PCDH7: variants seen among roughly 807,000 people sequenced by gnomAD.
The protein encoded by PCDH7 is protocadherin 7.
PCDH7 carries 17 observed loss-of-function variants against 58.9 expected under a neutral mutation model. That is an observed-to-expected ratio of 0.29 (90% CI 0.20 to 0.43). The LOEUF is 0.43. Among genes scored for constraint, PCDH7 ranks in the 20% least tolerant of loss-of-function variants. The pLI is 1.00. For synonymous variants in PCDH7, 664 were observed against 616.4 expected, an observed-to-expected ratio of 1.08 and a Z score of -1.14; for missense variants, 1,274 against 1,441.0, an observed-to-expected ratio of 0.88 and a Z score of 1.88.
intron 3 of PCDH7, chr4:30,987,785 A>G (rs565582000): frequency 3.9e-5 from 6 of 152,192 alleles, no homozygotes; most frequent in Non-Finnish European, 7.3e-5. Context: ...ATTTTTAAAT[A>G]TTAGTTGGAA....
intron 1 of PCDH7, among the ~76,000 whole-genome samples, chr4:30,781,741 G>A (rs1013924213): frequency 1.2e-4 from 18 of 151,554 alleles, no homozygotes; most frequent in African/African-American, 4.1e-4. Flanking sequence ...TCTCCATGTT[G>A]GGCAGACTTG....
rs551673888 is a variant in PCDH7 at position 30,792,273 on chromosome 4, G to A, written c.70+67677G>A. On this transcript the variant is annotated intron_variant, in intron 1 of 3. Transcript: ENST00000509759. ...GAAAGAAATATATTAATTAATAATC[G>A]TGACTGGAAAATGTTGCTCTCAGAA... 4.2e-4 allele frequency among the ~76,000 whole-genome samples: 64 copies of A among 152,190 alleles called. 1 individual carries two copies. In the East Asian group the frequency reaches 0.011, roughly 27 times the overall value.
intron 2 of PCDH7, among the ~76,000 whole-genome samples, chr4:30,928,019 T>C (rs956824036): frequency 1.3e-5 from 2 of 152,218 alleles, no homozygotes; most frequent in African/African-American, 4.8e-5. Flanking sequence ...TCTGTAGCCC[T>C]GGCCAGAGTG....
At chr4:30,946,490 ACT>A (rs1475104999) in intron 2 of PCDH7, among the ~76,000 whole-genome samples, 2 of 150,780 alleles carry the variant, frequency 1.3e-5, no homozygotes, top group Non-Finnish European at 3.0e-5. Context: ...CTCCCACCAC[ACT>A]GCCTTAGGAT....
chr4:30,843,599 AGT>A lies in PCDH7; in HGVS notation c.71-76549_71-76548del, dbSNP rs377510851. On this transcript the variant is annotated intron_variant, in intron 1 of 3. Coordinates refer to the PCDH7 transcript ENST00000509759. ...TTCTGATTTCTGTCTTTACTTTGTC[AGT>A]GTGTTTGCTATTAGACATAAAGCAA... Among the ~76,000 whole-genome samples, 32 of 152,330 alleles carry A rather than the reference AGT, an allele frequency of 2.1e-4. No individual in the cohort carries two copies. In the South Asian group the frequency reaches 6.2e-3, roughly 30 times the overall value.
intron 3 of PCDH7, among the ~76,000 whole-genome samples, chr4:31,115,691 C>T (rs1205439049): frequency 2.0e-5 from 3 of 152,086 alleles, no homozygotes; most frequent in Non-Finnish European, 2.9e-5. Context: ...TTAGAAAATA[C>T]GTATTCTGTG....
At chr4:30,821,658 G>A (rs1286615602) in intron 1 of PCDH7, among the ~76,000 whole-genome samples, 1 of 152,164 alleles carries the variant, frequency 6.6e-6, no homozygotes, top group Non-Finnish European at 1.5e-5. Flanking sequence ...TTAAATAAGA[G>A]ATACCCTTGC....
chr4:30,794,178 A>G (rs1724492893), intron 1 of PCDH7, among the ~76,000 whole-genome samples: 1 of 152,206 alleles, frequency 6.6e-6, no homozygotes, highest in Admixed American at 6.5e-5. Context: ...AACAGCATAA[A>G]AAATGGCCAC....
intron 1 of PCDH7, among the ~76,000 whole-genome samples, chr4:30,890,108 T>A (rs561239230): frequency 5.9e-5 from 9 of 152,154 alleles, no homozygotes; most frequent in Non-Finnish European, 1.3e-4. Context: ...ATGTACAGCA[T>A]TTATTTACAG....
chr4:31,108,262 C>G (rs1183664364), intron 3 of PCDH7, among the ~76,000 whole-genome samples: 1 of 150,594 alleles, frequency 6.6e-6, no homozygotes, highest in Non-Finnish European at 1.5e-5. Flanking sequence ...GTAATAAAGA[C>G]CACTGAAAAA....
chr4:31,082,740 A>AT (rs1158179351), intron 3 of PCDH7, among the ~76,000 whole-genome samples: 1 of 151,180 alleles, frequency 6.6e-6, no homozygotes, highest in Non-Finnish European at 1.5e-5. Context: ...TCACAAAGGC[A>AT]TACAGAGTGA....
intron 1 of PCDH7, chr4:30,786,683 T>C: frequency 1.1e-5 from 9 of 805,038 alleles, no homozygotes; most frequent in Non-Finnish European, 1.4e-5. Flanking sequence ...AAAACCCTAC[T>C]CACATCCCTG....
At chr4:31,002,560 G>C (rs185194128) in intron 3 of PCDH7, among the ~76,000 whole-genome samples, 1 of 152,188 alleles carries the variant, frequency 6.6e-6, no homozygotes, top group East Asian at 1.9e-4. Flanking sequence ...ACTTGAATAG[G>C]AATGGAGATG....
chr4:30,802,919 A>G (rs942124210), intron 1 of PCDH7, among the ~76,000 whole-genome samples: 1 of 152,140 alleles, frequency 6.6e-6, no homozygotes, highest in Non-Finnish European at 1.5e-5. Flanking sequence ...GAGGAGGAGG[A>G]GAGCAAACAG....
At chr4:31,055,457 A>G (rs1757079592) in intron 3 of PCDH7, among the ~76,000 whole-genome samples, 2 of 152,118 alleles carry the variant, frequency 1.3e-5, no homozygotes, top group Admixed American at 6.6e-5. Context: ...TGTGTACCAT[A>G]ATGGTTTTGA....
rs570172224 is a variant in PCDH7, at chr4:30,972,630, CACAA to C, written c.*7+22421_*7+22424del. Among the ~76,000 whole-genome samples, 185 of 152,296 alleles carry C rather than the reference CACAA, an allele frequency of 1.2e-3. 1 individual carries two copies. Among genetic ancestry groups the C allele is most frequent in the Non-Finnish European group, 2.0e-3 (138 of 68,020 alleles). On this transcript the variant is annotated intron_variant, in intron 3 of 3. Transcript: ENST00000509759. The stretch of plus-strand genomic sequence containing the variant: ...ATATTAATGTAATTATCCACTACAA[CACAA>C]ACAAATTATCTCTAAAACTCAGTTA...
At chr4:30,740,228 G>C (rs534989178) in intron 1 of PCDH7, among the ~76,000 whole-genome samples, 1 of 152,170 alleles carries the variant, frequency 6.6e-6, no homozygotes, top group African/African-American at 2.4e-5. Flanking sequence ...AACTAGTTCT[G>C]TGAGAATGGA....
At chr4:31,135,996 T>A (rs922041066) in intron 3 of PCDH7, among the ~76,000 whole-genome samples, 2 of 152,238 alleles carry the variant, frequency 1.3e-5, no homozygotes, top group African/African-American at 4.8e-5. Flanking sequence ...ACAGTAATTC[T>A]AAGAAATTAA....
At chr4:30,970,566 TA>T (rs774352995) in intron 3 of PCDH7, among the ~76,000 whole-genome samples, 17 of 152,202 alleles carry the variant, frequency 1.1e-4, no homozygotes, top group Non-Finnish European at 2.4e-4. Flanking sequence ...GTGCTGGGAT[TA>T]AAGGCATAAG....
Sources: gnomAD v4.1 joint callset for allele counts (sites outside exome capture counted in the v4.1 genomes callset) on GRCh38, gnomAD v4.1.1 for gene constraint, MANE v1.5 for transcripts, NCBI Gene and HGNC (gene_info 2026-07-23, HGNC 2026-07-21) for gene names.